ANK3: variants seen among roughly 807,000 people sequenced by gnomAD.
ANK3 encodes ankyrin 3, also known as ankyrin-3.
Under a neutral mutation model 370.9 loss-of-function variants are expected in ANK3, and 57 were observed. The ratio of observed to expected loss-of-function variants is 0.15; its 90% CI spans 0.12 to 0.19. ANK3 has a LOEUF of 0.19. ANK3 is among the 10% of genes least tolerant of loss of function. The pLI is 1.00. For synonymous variants in ANK3, 1,929 were observed against 1,946.3 expected, an observed-to-expected ratio of 0.99 and a Z score of 0.23; for missense variants, 4,439 against 5,302.1, an observed-to-expected ratio of 0.84 and a Z score of 5.06.
chr10:60,674,912 C>T (rs72811831), intron 1 of ANK3, among the ~76,000 whole-genome samples: 11 of 151,898 alleles, frequency 7.2e-5, no homozygotes, highest in Non-Finnish European at 1.5e-4. Flanking sequence ...TATTTGTAAG[C>T]CAATTAAAAA....
chr10:60,301,122 C>CGA (rs1214294499), intron 1 of ANK3, among the ~76,000 whole-genome samples: 2 of 122,492 alleles, frequency 1.6e-5, no homozygotes, highest in Admixed American at 8.0e-5. Flanking sequence ...TGAATACTTC[C>CGA]GATATATATA....
intron 1 of ANK3, among the ~76,000 whole-genome samples, chr10:60,668,079 G>A (rs546415876): frequency 6.6e-6 from 1 of 151,490 alleles, no homozygotes; most frequent in Admixed American, 6.6e-5. Context: ...AAAGACCACT[G>A]CATTAATATG....
intron 28 of ANK3, among the ~76,000 whole-genome samples, chr10:60,094,820 T>C (rs375993748): frequency 4.3e-4 from 66 of 152,338 alleles, no homozygotes; most frequent in African/African-American, 1.2e-3. Flanking sequence ...TGACCATTAA[T>C]AGGATTAGCA....
chr10:60,054,740 A>T (rs531774337), intron 42 of ANK3, among the ~76,000 whole-genome samples: 4 of 152,290 alleles, frequency 2.6e-5, no homozygotes, highest in African/African-American at 9.6e-5. Context: ...TTCCTCCCAA[A>T]ACACTAAAGT....
At chr10:60,138,733 GAA>G (rs34953408) in intron 24 of ANK3, 288 of 516,738 alleles carry the variant, frequency 5.6e-4, no homozygotes, top group South Asian at 2.0e-3. Flanking sequence ...TGCAAAGTGG[GAA>G]AAAAAAAAAG....
rs538630648 is a variant in ANK3 at position 60,637,112 on chromosome 10, T to A, written c.58-21888A>T. Among the ~76,000 whole-genome samples the A allele has an allele frequency of 2.6e-5, 4 of 152,244 alleles. No homozygotes were observed. In the South Asian group the frequency reaches 6.2e-4, roughly 24 times the overall value. ...TCAGTCACCTTAAATAATCCATTCA[T>A]CTTTCTAATATTTTTTCTCTCTTTA... On this transcript the variant is annotated intron_variant, in intron 1 of 43. Transcript: ENST00000373827.
chr10:60,670,114 G>A (rs1030346034), intron 1 of ANK3, among the ~76,000 whole-genome samples: 1 of 152,078 alleles, frequency 6.6e-6, no homozygotes, highest in African/African-American at 2.4e-5. Context: ...ATGAACCACT[G>A]TGCCCAGCCC....
At chr10:60,421,761 C>T (rs756738058) in intron 2 of ANK3, among the ~76,000 whole-genome samples, 1 of 152,016 alleles carries the variant, frequency 6.6e-6, no homozygotes, top group Non-Finnish European at 1.5e-5. Flanking sequence ...AGTTAAAATC[C>T]AACCACACTC....
At position 60,080,624 on chromosome 10, in the gene ANK3, A is replaced by C; in HGVS notation, c.4351-6T>G. The C allele has an allele frequency of 6.3e-7, 1 of 1,579,854 alleles. No individual in the cohort carries two copies. The highest frequency in any genetic ancestry group is 8.5e-7 in the Non-Finnish European group (1 of 1,170,898). On this transcript the variant is annotated splice_region_variant and splice_polypyrimidine_tract_variant and intron_variant, in intron 35 of 43. Transcript: ENST00000280772. ...CGTCTATCTGTTTTCTCAATCTGAA[A>C]AGGAAAAAAAAAAAGACAACTCTAT... is the stretch of plus-strand genomic sequence containing the variant.
intron 42 of ANK3, among the ~76,000 whole-genome samples, chr10:60,054,763 A>C (rs183612260): frequency 1.5e-4 from 23 of 152,318 alleles, no homozygotes; most frequent in Non-Finnish European, 2.6e-4. Flanking sequence ...GTCTTCAGTG[A>C]ACTGGATATG....
At chr10:60,267,185 A>G (rs1031772787) in intron 5 of ANK3, among the ~76,000 whole-genome samples, 1 of 152,156 alleles carries the variant, frequency 6.6e-6, no homozygotes, top group Non-Finnish European at 1.5e-5. Context: ...TATTTAAAGG[A>G]TCCTTTAATT....
chr10:60,251,680 C>T (rs2097668631), intron 7 of ANK3, among the ~76,000 whole-genome samples: 4 of 152,218 alleles, frequency 2.6e-5, no homozygotes, highest in African/African-American at 4.8e-5. Flanking sequence ...CAACATGCTG[C>T]CCCTGTCGGT....
chr10:60,339,298 G>T (rs1417366002), intron 1 of ANK3, among the ~76,000 whole-genome samples: 1 of 152,130 alleles, frequency 6.6e-6, no homozygotes, highest in Non-Finnish European at 1.5e-5. Flanking sequence ...GAGAGATAAA[G>T]CATCAGCAAA....
At chr10:60,421,605 T>C (rs1047787582) in intron 2 of ANK3, among the ~76,000 whole-genome samples, 2 of 151,958 alleles carry the variant, frequency 1.3e-5, no homozygotes, top group Non-Finnish European at 2.9e-5. Flanking sequence ...GGCATGGTCT[T>C]GTGACTGACC....
intron 25 of ANK3, among the ~76,000 whole-genome samples, chr10:60,116,845 G>T (rs2093130997): frequency 6.6e-6 from 1 of 152,128 alleles, no homozygotes; most frequent in Admixed American, 6.5e-5. Context: ...CAGAGCCAAA[G>T]ACAGAGGTTG....
intron 8 of ANK3, among the ~76,000 whole-genome samples, chr10:60,220,767 G>A (rs2097035953): frequency 6.6e-6 from 1 of 152,060 alleles, no homozygotes; most frequent in South Asian, 2.1e-4. Flanking sequence ...GAACCACCTT[G>A]GGCACAGGTT....
chr10:60,348,869 T>C (rs1223783088), intron 1 of ANK3, among the ~76,000 whole-genome samples: 1 of 152,226 alleles, frequency 6.6e-6, no homozygotes, highest in Non-Finnish European at 1.5e-5. Flanking sequence ...TCCATAATTG[T>C]ACATTGAATG....
intron 5 of ANK3, among the ~76,000 whole-genome samples, chr10:60,265,572 AT>A (rs34322676): frequency 0.11 from 16,531 of 149,864 alleles, 983 homozygotes; most frequent in South Asian, 0.17. Flanking sequence ...TCAAAAGGGC[AT>A]TTTTTTTTTA....
intron 1 of ANK3, among the ~76,000 whole-genome samples, chr10:60,362,020 C>G (rs1386182419): frequency 2.0e-5 from 3 of 152,062 alleles, no homozygotes; most frequent in Admixed American, 2.0e-4. Flanking sequence ...TGAACAGCCA[C>G]CCCTATATAT....
Sources: allele counts gnomAD v4.1 joint callset (sites outside exome capture counted in the v4.1 genomes callset), GRCh38; gene constraint gnomAD v4.1.1; transcripts MANE v1.5; gene names NCBI Gene and HGNC (gene_info 2026-07-23, HGNC 2026-07-21).